The following TPO variants were observed in gnomAD, a reference collection of about 807,000 sequenced individuals.
TPO encodes thyroid peroxidase.
A neutral mutation model predicts 96.9 loss-of-function variants in TPO; 78 were observed. The observed-to-expected ratio is 0.81, with a 90% CI of 0.67 to 0.97. The LOEUF (loss-of-function observed/expected upper bound fraction) is 0.97, where lower values mean the gene tolerates loss of function less well. TPO is among the 50% of genes least tolerant of loss of function. The probability of loss-of-function intolerance (pLI) is 0.00; values close to 1 mark genes in which losing one functional copy is unlikely to be tolerated. For synonymous variants in TPO, 547 were observed against 538.0 expected (o/e 1.02, Z -0.23); for missense variants, 1,252 against 1,274.8 (o/e 0.98, Z 0.27).
intron 10 of TPO, among the ~76,000 whole-genome samples, chr2:1,488,600 A>C (rs1419605824): frequency 6.6e-6 from 1 of 151,906 alleles, no homozygotes; most frequent in African/African-American, 2.4e-5. Context: ...CTGGGCTCCT[A>C]GGTGGTTCGG....
Position 1,493,898 on chromosome 2 carries a change from TC to T in TPO, c.1867del (p.Leu623TrpfsTer17). On this transcript the variant is annotated frameshift_variant, in exon 11 of 17. Coordinates refer to ENST00000329066, the MANE Select transcript of TPO (RefSeq NM_001206744.2). LOFTEE classifies it high-confidence loss of function. ...GCCAGCAGGAGCGTGGCCGACAAGA[TC>T]CTGGACTTGTACAAGCATCCTGACA... ...AIASRSVADK[I>X]LDLYKHPDNI... 6.2e-7 allele frequency: 1 copy of T among 1,614,160 alleles called. No individual in the cohort carries two copies. Among genetic ancestry groups the T allele is most frequent in the South Asian group, 1.1e-5 (1 of 91,084 alleles).
intron 8 of TPO, chr2:1,477,944 G>A (rs1361162316): frequency 2.0e-6 from 2 of 985,214 alleles, no homozygotes; most frequent in Non-Finnish European, 2.4e-6. Context: ...CACAACAGTG[G>A]CAGCCAGACC....
intron 6 of TPO, among the ~76,000 whole-genome samples, chr2:1,454,036 A>G (rs373297518): frequency 1.9e-4 from 29 of 152,300 alleles, no homozygotes; most frequent in African/African-American, 6.7e-4. Flanking sequence ...AGTGAGTGGA[A>G]CCCTGCAGAT....
chr2:1,442,381 T>C (rs979546768), intron 5 of TPO, among the ~76,000 whole-genome samples: 6 of 152,224 alleles, frequency 3.9e-5, no homozygotes, highest in Non-Finnish European at 7.3e-5. Flanking sequence ...CACGAGCCAC[T>C]GTTTGCTCTG....
intron 15 of TPO, among the ~76,000 whole-genome samples, chr2:1,535,195 T>C (rs1199307508): frequency 1.1e-5 from 1 of 91,168 alleles, no homozygotes; most frequent in Admixed American, 1.4e-4. Flanking sequence ...CCGCCACTTG[T>C]GCAACCTCAT....
At chr2:1,508,875 C>G (rs572338426) in intron 14 of TPO, among the ~76,000 whole-genome samples, 1 of 152,280 alleles carries the variant, frequency 6.6e-6, no homozygotes, top group South Asian at 2.1e-4. Flanking sequence ...TTTTATGTAT[C>G]TCTATTTCCT....
rs1558450792 is a variant in TPO at position 1,542,491 on chromosome 2, C to T, written c.*17C>T. ...GCCCTCTGAGGGCAAAGTGGCAGGA[C>T]ACTGCAGAACAGCTTCATGTTCCCA... On this transcript the variant is annotated 3_prime_UTR_variant, in exon 17 of 17. Transcript: ENST00000329066. The T allele has an allele frequency of 3.1e-6, 5 of 1,614,032 alleles. No individual in the cohort carries two copies. The highest frequency in any genetic ancestry group is 3.4e-6 in the Non-Finnish European group (4 of 1,179,996).
At chr2:1,461,915 G>T (rs1668480891) in intron 7 of TPO, among the ~76,000 whole-genome samples, 1 of 152,196 alleles carries the variant, frequency 6.6e-6, no homozygotes, top group Admixed American at 6.5e-5. Context: ...CCCCCGCAGA[G>T]GTTCCGGGGG....
chr2:1,465,364 C>G (rs143668833), intron 7 of TPO, among the ~76,000 whole-genome samples: 132 of 152,162 alleles, frequency 8.7e-4, no homozygotes, highest in African/African-American at 2.4e-3. Context: ...TCTGCTTAGT[C>G]TTGCTTTGGC....
intron 2 of TPO, among the ~76,000 whole-genome samples, chr2:1,416,161 G>A (rs955934694): frequency 1.3e-5 from 2 of 151,952 alleles, no homozygotes; most frequent in African/African-American, 2.4e-5. Flanking sequence ...GCAGTACCTC[G>A]GCAATCACCA....
At chr2:1,391,755 G>A (rs955889416) in intron 1 of TPO, among the ~76,000 whole-genome samples, 13 of 152,024 alleles carry the variant, frequency 8.6e-5, no homozygotes, top group African/African-American at 3.1e-4. Flanking sequence ...GGATTCCTAG[G>A]TATTTTATTC....
At chr2:1,409,700 C>A (rs73911713), upstream of TPO, among the ~76,000 whole-genome samples, 1 of 152,006 alleles carries the variant, frequency 6.6e-6, no homozygotes, top group African/African-American at 2.4e-5. Flanking sequence ...AGCCCACGGC[C>A]GTCGGGGGTC....
intron 15 of TPO, among the ~76,000 whole-genome samples, chr2:1,539,774 C>T (rs1249869703): frequency 6.7e-6 from 1 of 149,096 alleles, no homozygotes; most frequent in South Asian, 2.1e-4. Context: ...GCAGGCGGGG[C>T]GGGGAATGCT....
At chr2:1,481,543 G>A (rs1445263181) in intron 8 of TPO, among the ~76,000 whole-genome samples, 1 of 152,138 alleles carries the variant, frequency 6.6e-6, no homozygotes, top group East Asian at 1.9e-4. Flanking sequence ...ACCCCGGAGG[G>A]ACTGCAGATC....
chr2:1,426,320 G>C (rs1363500346), intron 3 of TPO, among the ~76,000 whole-genome samples: 1 of 148,232 alleles, frequency 6.7e-6, no homozygotes, highest in African/African-American at 2.5e-5. Flanking sequence ...AGGATACAGA[G>C]ATGAGTTCGA....
chr2:1,402,282 TAGTG>T (rs1662184128), intron 1 of TPO, among the ~76,000 whole-genome samples: 1 of 152,084 alleles, frequency 6.6e-6, no homozygotes, highest in African/African-American at 2.4e-5. Flanking sequence ...TGGGGGCAGA[TAGTG>T]AAAGAGGAAG....
At chr2:1,460,470 C>T (rs1211038033) in intron 7 of TPO, among the ~76,000 whole-genome samples, 1 of 152,156 alleles carries the variant, frequency 6.6e-6, no homozygotes, top group East Asian at 1.9e-4. Context: ...GGGTTCCAGG[C>T]TTGCCTTGTA....
At chr2:1,496,339 CT>C in intron 12 of TPO, 142 bp downstream of exon 12, 1 of 541,490 alleles carries the variant, frequency 1.8e-6, no homozygotes, top group Non-Finnish European at 3.1e-6. Context: ...AGGGCAGCTC[CT>C]GGGGCGGGGC....
intron 1 of TPO, among the ~76,000 whole-genome samples, chr2:1,383,747 T>C (rs1661846257): frequency 6.6e-6 from 1 of 152,248 alleles, no homozygotes; most frequent in South Asian, 2.1e-4. Context: ...TTTGTCAATT[T>C]TGGCTTTTGT....
Sources: gnomAD v4.1 joint callset for allele counts (sites outside exome capture counted in the v4.1 genomes callset) on GRCh38, gnomAD v4.1.1 for gene constraint, MANE v1.5 for transcripts, NCBI Gene and HGNC (gene_info 2026-07-23, HGNC 2026-07-21) for gene names.